Variants in AGRN observed in about 807,000 individuals in gnomAD.
The protein encoded by AGRN is agrin proteoglycan.
In AGRN, 106 loss-of-function variants were observed where a neutral mutation model predicts 211.0. The observed-to-expected ratio is 0.50, with a 90% CI of 0.43 to 0.59. The LOEUF (loss-of-function observed/expected upper bound fraction) is 0.59, where lower values mean the gene tolerates loss of function less well. Ranked by LOEUF, AGRN falls within the 20% of genes least tolerant of loss-of-function variation. AGRN has a pLI of 0.00. For synonymous variants in AGRN, 1,525 were observed against 1,332.5 expected (o/e 1.14, Z -3.15); for missense variants, 3,040 against 2,982.6 (o/e 1.02, Z -0.45).
At position 1,045,366 on chromosome 1, in the gene AGRN, CCAGTG is replaced by C; in HGVS notation, c.2382_2386del (p.Cys795ProfsTer10). On this transcript the variant is annotated frameshift_variant, in exon 14 of 36. Transcript: ENST00000379370. LOFTEE classifies it high-confidence loss of function. ...CCTGCCCTGGCCTTTCAGGTGCCTGCCAGTGCAACCCCCATGGCTCTTACGGCGGC... is the reference window on the plus strand; with the variant it reads ...CCTGCCCTGGCCTTTCAGGTGCCTGCCAACCCCCATGGCTCTTACGGCGGC... 6.2e-7 allele frequency: 1 copy of C among 1,611,736 alleles called. No homozygotes were observed. The highest frequency in any genetic ancestry group is 8.5e-7 in the Non-Finnish European group (1 of 1,179,958).
Position 1,047,425 on chromosome 1 carries a change from G to C in AGRN, c.3487G>C (p.Gly1163Arg). The C allele has an allele frequency of 1.2e-6, 2 of 1,612,790 alleles. No individual in the cohort carries two copies. Among genetic ancestry groups the C allele is most frequent in the Non-Finnish European group, 1.7e-6 (2 of 1,179,920 alleles). Residue 1163 changes from glycine to arginine, a missense_variant, in exon 20 of 36, where the codon GGG becomes CGG. By Grantham distance (125) the Gly-to-Arg change is moderately radical. Transcript: ENST00000379370. ...GGCTGACCCCAAGTCAGAACTGTTC[G>C]GGGAGACAGCCAGGAGCATTGAGAG... ...EMADPKSELF[G>R]ETARSIESTL...
rs1644680600 is a variant in AGRN, at chr1:1,031,718, C to G, written c.464-3559C>G. Among the ~76,000 whole-genome samples, 1 of 152,228 alleles carries G rather than the reference C, an allele frequency of 6.6e-6. No homozygotes were observed. Among genetic ancestry groups the G allele is most frequent in the African/African-American group, 2.4e-5 (1 of 41,466 alleles). ...CTTCCCAGGCAGTGTTTGAGGCCCC[C>G]TCTGCCAGCCCGTACCTGGGGCTCC... On this transcript the variant is annotated intron_variant, in intron 2 of 35. Transcript: ENST00000379370. The surrounding 1 kb of genome is among the most constrained non-coding windows in gnomAD (Gnocchi z 4.8).
At position 1,023,644 on chromosome 1, in the gene AGRN, G is replaced by C. The variant is rs1383404431; in HGVS notation, c.463+1182G>C. On this transcript the variant is annotated intron_variant, in intron 2 of 35. Coordinates refer to ENST00000379370, the MANE Select transcript of AGRN (RefSeq NM_198576.4). ...TCCTGTCCCTGCAAGATCAGGAGAG[G>C]GGGTCACTAACCCCACAGCCAGGTG... 9.2e-5 allele frequency among the ~76,000 whole-genome samples: 14 copies of C among 152,306 alleles called. No individual in the cohort carries two copies. The East Asian group carries it at 2.3e-3, about 25-fold the overall frequency.
rs771715098 is a variant in AGRN, at chr1:1,051,258, G to C, written c.5259G>C (p.Pro1753=). 1.4e-5 allele frequency: 22 copies of C among 1,581,424 alleles called. No individual in the cohort carries two copies. Among genetic ancestry groups the C allele is most frequent in the Non-Finnish European group, 1.9e-5 (22 of 1,165,064 alleles). Residue 1753 remains proline, a synonymous_variant, in exon 31 of 36, where the codon CCG becomes CCC. Transcript: ENST00000379370. ...GPRVLGESPV[P]HTVLNLKEPL... is the part of the protein sequence containing the mutation. ...CTTACCTGGCGTCCCCGCAGGTTCC[G>C]CACACCGTCCTCAACCTGAAGGAGC...
rs774840469 is a variant in AGRN at position 1,045,461 on chromosome 1, G to A, written c.2474G>A (p.Arg825His). 2.0e-5 allele frequency: 33 copies of A among 1,612,800 alleles called. No individual in the cohort carries two copies. The highest frequency in any genetic ancestry group is 1.6e-4 in the Middle Eastern group (1 of 6,062). Residue 825 changes from arginine (R) to histidine (H), a missense_variant, in exon 14 of 36, where the codon CGC becomes CAC. Coordinates refer to ENST00000379370, the MANE Select transcript of AGRN (RefSeq NM_198576.4). ...RPGVGGLRCDRCEPGFWNFRG... is the reference protein window; with the variant it reads ...RPGVGGLRCDHCEPGFWNFRG... ...GGTGTGGGGGGCCTCAGGTGTGACC[G>A]CTGTGAGCCTGGCTTCTGGAACTTT...
At position 1,031,455 on chromosome 1, in the gene AGRN, G is replaced by A. The variant is rs1384566893; in HGVS notation, c.464-3822G>A. On this transcript the variant is annotated intron_variant, in intron 2 of 35. Transcript: ENST00000379370. This position sits in a 1 kb window ranked among gnomAD's most constrained non-coding sequence, Gnocchi z 4.8. ...TGAGCTCCCTCCCTGGCTGGGCCTG[G>A]GGCCTCAATGGCCCTTTGTCTTTCT... is the stretch of plus-strand genomic sequence containing the variant. Among the ~76,000 whole-genome samples, 2 of 152,146 alleles carry A rather than the reference G, an allele frequency of 1.3e-5. No homozygotes were observed. Among genetic ancestry groups the A allele is most frequent in the African/African-American group, 4.8e-5 (2 of 41,412 alleles).
chr1:1,024,107 G>A (rs1048246133), intron 2 of AGRN, among the ~76,000 whole-genome samples: 1 of 152,106 alleles, frequency 6.6e-6, no homozygotes, highest in African/African-American at 2.4e-5. Flanking sequence ...CATGAGGAGT[G>A]GGGGAGCCCA....
chr1:1,023,099 A>G (rs1250429588), intron 2 of AGRN, among the ~76,000 whole-genome samples: 1 of 152,090 alleles, frequency 6.6e-6, no homozygotes, highest in Non-Finnish European at 1.5e-5. Context: ...GGGAAAATAT[A>G]GGAGGTCCCT....
In AGRN at chr1:1,042,102, C is replaced by T. The variant is rs143474353; in HGVS notation, c.1324C>T (p.Arg442Trp). Residue 442 changes from arginine to tryptophan, a missense_variant, in exon 7 of 36, where the codon CGG becomes TGG. Physicochemically the swap from Arg to Trp is moderately radical, Grantham distance 101. Transcript: ENST00000379370. ...GCGCACGTATGACAGTGATTGCTGGCGGCAGCAGGCTGAGTGCCGGCAGCA... is the reference window on the plus strand; with the variant it reads ...GCGCACGTATGACAGTGATTGCTGGTGGCAGCAGGCTGAGTGCCGGCAGCA... ...DGRTYDSDCW[R>W]QQAECRQQRA... is the part of the protein sequence containing the mutation. 1.3e-5 allele frequency: 21 copies of T among 1,603,022 alleles called. No individual in the cohort carries two copies. The highest frequency in any genetic ancestry group is 1.6e-5 in the Non-Finnish European group (19 of 1,178,602).
intron 1 of AGRN, among the ~76,000 whole-genome samples, chr1:1,021,793 C>T (rs74045085): frequency 0.011 from 1,679 of 152,276 alleles, 32 homozygotes; most frequent in African/African-American, 0.037. Context: ...CTTACCCCAA[C>T]GCCCCATCCC....
intron 2 of AGRN, among the ~76,000 whole-genome samples, chr1:1,022,724 C>T (rs1032800343): frequency 9.9e-5 from 15 of 152,266 alleles, no homozygotes; most frequent in African/African-American, 3.4e-4. Flanking sequence ...TGCCTCCTCC[C>T]CTCCTCCCAG....
In AGRN at chr1:1,048,602, C is replaced by G; in HGVS notation, c.4105+237C>G. The stretch of plus-strand genomic sequence containing the variant: ...CCTGACCAACATGGAGACACTCTGT[C>G]TCTACTAAAAATACAAAATTAGCCG... On this transcript the variant is annotated intron_variant, in intron 23 of 35. Coordinates refer to ENST00000379370, the MANE Select transcript of AGRN (RefSeq NM_198576.4). The surrounding 1 kb of genome is among the most constrained non-coding windows in gnomAD (Gnocchi z 5.9). 3 of 593,052 alleles carry G rather than the reference C, an allele frequency of 5.1e-6. No individual in the cohort carries two copies. The highest frequency in any genetic ancestry group is 8.8e-6 in the Non-Finnish European group (3 of 342,400). 36.7% of individuals were successfully genotyped at this position (593,052 alleles called of 1,614,324 possible).
At chr1:1,052,106 T>C in intron 33 of AGRN, 1 of 1,383,664 alleles carries the variant, frequency 7.2e-7, no homozygotes, top group Non-Finnish European at 9.7e-7. Context: ...CCCGGGGAAC[T>C]TTCCATCCCT....
In AGRN at chr1:1,043,371, G is replaced by A. The variant is rs767345344; in HGVS notation, c.1517G>A (p.Gly506Asp). The A allele has an allele frequency of 2.5e-6, 4 of 1,610,194 alleles. No homozygotes were observed. The highest frequency in any genetic ancestry group is 1.7e-6 in the Non-Finnish European group (2 of 1,178,906). The change falls in exon 8 of 36, where the codon GGC becomes GAC. Residue 506 changes from glycine to aspartate, a missense_variant. Physicochemically the swap from Gly to Asp is moderately conservative, Grantham distance 94. This residue lies in a region of AGRN where 1,498 missense variants were observed against 1,457.8 expected (regional missense o/e 1.03). Transcript: ENST00000379370. ...SLYDPVCGSD[G>D]VTYGSACELE... is the part of the protein sequence containing the mutation. ...TACGATCCTGTGTGCGGCAGCGACG[G>A]CGTCACATACGGCAGCGCGTGCGAG...
At position 1,048,360 on chromosome 1, in the gene AGRN, A is replaced by G. The variant is rs1645164027; in HGVS notation, c.4100A>G (p.Glu1367Gly). The stretch of plus-strand genomic sequence containing the variant: ...GCAGGCAGGGGAGGCGCCGTCTGTG[A>G]GAAGGGTAAGGATGTCCACTGCAGA... ...CPAGRGGAVC[E>G]KVLGAPVPAF... Residue 1367 changes from glutamate to glycine, a missense_variant, in exon 23 of 36, where the codon GAG becomes GGG. By Grantham distance (98) the Glu-to-Gly change is moderately conservative. This residue lies in a region of AGRN where 1,537 missense variants were observed against 1,505.0 expected (regional missense o/e 1.02). Coordinates refer to ENST00000379370, the MANE Select transcript of AGRN (RefSeq NM_198576.4). The surrounding 1 kb of genome is among the most constrained non-coding windows in gnomAD (Gnocchi z 5.9). 1 of 1,462,632 alleles carries G rather than the reference A, an allele frequency of 6.8e-7. No individual in the cohort carries two copies. 90.6% of individuals were successfully genotyped at this position (1,462,632 alleles called of 1,614,324 possible).
rs1433233681 is a variant in AGRN, at chr1:1,054,817, G to A, written c.5981-7G>A. 6.4e-7 allele frequency: 1 copy of A among 1,553,892 alleles called. No individual in the cohort carries two copies. The highest frequency in any genetic ancestry group is 2.4e-5 in the East Asian group (1 of 41,776). On this transcript the variant is annotated splice_polypyrimidine_tract_variant and splice_region_variant and intron_variant, in intron 35 of 35. Transcript: ENST00000379370. The stretch of plus-strand genomic sequence containing the variant: ...CAGCCGGGTGACTCCCACTGTCTGT[G>A]CTGCAGGGGGCCTGCCGGAGCTGCC...
intron 3 of AGRN, among the ~76,000 whole-genome samples, chr1:1,036,583 G>A (rs566235211): frequency 5.9e-5 from 9 of 152,266 alleles, no homozygotes; most frequent in Admixed American, 1.3e-4. Context: ...CTGGGGCAGC[G>A]CTGGGCCTGG....
intron 3 of AGRN, among the ~76,000 whole-genome samples, chr1:1,037,871 C>T (rs535527824): frequency 2.6e-5 from 4 of 152,066 alleles, no homozygotes; most frequent in Admixed American, 6.5e-5. Context: ...CTGTGCCTGG[C>T]GGGTACGTGC....
In AGRN at chr1:1,045,765, G is replaced by A. The variant is rs749388728; in HGVS notation, c.2569G>A (p.Asp857Asn). 3.1e-6 allele frequency: 5 copies of A among 1,613,420 alleles called. No individual in the cohort carries two copies. The East Asian group carries it at 1.1e-4, about 36-fold the overall frequency. Residue 857 changes from aspartate (D) to asparagine (N), a missense_variant, in exon 15 of 36, where the codon GAT becomes AAT. By Grantham distance (23) the Asp-to-Asn change is conservative. Coordinates refer to ENST00000379370, the MANE Select transcript of AGRN (RefSeq NM_198576.4). ...CTGTGATCCCCAAGGCGCCGTGCGGGATGACTGTGAGCAGATGACGGGGCT... is the reference window on the plus strand; with the variant it reads ...CTGTGATCCCCAAGGCGCCGTGCGGAATGACTGTGAGCAGATGACGGGGCT... The part of the protein sequence containing the change: ...CSCDPQGAVR[D>N]DCEQMTGLCS...
Sources: allele counts gnomAD v4.1 joint callset (sites outside exome capture counted in the v4.1 genomes callset), GRCh38; gene constraint gnomAD v4.1.1; regional missense constraint gnomAD v4.1.1; non-coding constraint Gnocchi (gnomAD v3.1); transcripts MANE v1.5; gene names NCBI Gene and HGNC (gene_info 2026-07-23, HGNC 2026-07-21).